Variants in PDE1A observed in about 807,000 individuals in gnomAD.
PDE1A encodes dual specificity calcium/calmodulin-dependent 3',5'-cyclic nucleotide phosphodiesterase 1A.
PDE1A carries 35 observed loss-of-function variants against 61.7 expected under a neutral mutation model. The observed-to-expected ratio is 0.57, with a 90% CI of 0.43 to 0.75. The LOEUF is 0.75. PDE1A is among the 30% of genes least tolerant of loss of function. PDE1A has a pLI of 0.00. For missense variants in PDE1A, 597 were observed against 630.6 expected (o/e 0.95, Z 0.57); for synonymous variants, 232 against 213.2 (o/e 1.09, Z -0.77).
At chr2:182,665,659 G>A in the PDE1A span, among the ~76,000 whole-genome samples, 2 of 152,142 alleles carry the variant, frequency 1.3e-5, no homozygotes, top group Non-Finnish European at 2.9e-5. Flanking sequence ...ACAGCGTGAC[G>A]ATTCCTCAAA....
At chr2:182,647,784 C>T in the PDE1A span, among the ~76,000 whole-genome samples, 2 of 152,114 alleles carry the variant, frequency 1.3e-5, no homozygotes, top group Non-Finnish European at 2.9e-5. Context: ...TAAGAAGCCT[C>T]TGTAGAAAAA....
chr2:182,388,655 T>C (rs1012551761), intron 1 of PDE1A, among the ~76,000 whole-genome samples: 1 of 152,036 alleles, frequency 6.6e-6, no homozygotes, highest in Non-Finnish European at 1.5e-5. Context: ...CTATGGGATA[T>C]AGCAAAAGCA....
the PDE1A span, among the ~76,000 whole-genome samples, chr2:182,583,577 AT>A: frequency 6.6e-6 from 1 of 152,130 alleles, no homozygotes; most frequent in Non-Finnish European, 1.5e-5. Context: ...CAGGCAATCT[AT>A]GATTCTCCTC....
intron 1 of PDE1A, among the ~76,000 whole-genome samples, chr2:182,418,902 A>T (rs995647762): frequency 1.3e-5 from 2 of 152,158 alleles, no homozygotes; most frequent in Non-Finnish European, 2.9e-5. Context: ...AGCCTGGCAC[A>T]AATCAGCAGA....
chr2:182,342,458 A>T (rs754596238), intron 1 of PDE1A, among the ~76,000 whole-genome samples: 4 of 152,106 alleles, frequency 2.6e-5, no homozygotes, highest in African/African-American at 4.8e-5. Context: ...CAAAGGAGGG[A>T]GGATCACGAG....
At chr2:182,269,689 T>C (rs1203874519) in intron 1 of PDE1A, among the ~76,000 whole-genome samples, 1 of 151,906 alleles carries the variant, frequency 6.6e-6, no homozygotes, top group Non-Finnish European at 1.5e-5. Context: ...AAAATGCAAA[T>C]GATCCTAATA....
chr2:182,507,703 A>G (rs962411372), intron 2 of PDE1A, among the ~76,000 whole-genome samples: 8 of 152,238 alleles, frequency 5.3e-5, no homozygotes, highest in African/African-American at 1.9e-4. Context: ...TTTCTGGAAA[A>G]TAAATAAATC....
At chr2:182,513,240 T>C (rs919318069) in intron 2 of PDE1A, among the ~76,000 whole-genome samples, 2 of 152,144 alleles carry the variant, frequency 1.3e-5, no homozygotes, top group African/African-American at 4.8e-5. Flanking sequence ...CTTAGGCTAA[T>C]AGCAGACCTT....
chr2:182,645,569 T>A, the PDE1A span, among the ~76,000 whole-genome samples: 2 of 152,158 alleles, frequency 1.3e-5, no homozygotes, highest in Admixed American at 1.3e-4. Context: ...GGAATGTTAA[T>A]GGAGAGCTTG....
the PDE1A span, among the ~76,000 whole-genome samples, chr2:182,685,517 C>T: frequency 6.6e-6 from 1 of 152,176 alleles, no homozygotes; most frequent in African/African-American, 2.4e-5. Context: ...AGATGAGTCA[C>T]TTTGTGCAAG....
At chr2:182,581,002 G>A in the PDE1A span, among the ~76,000 whole-genome samples, 1 of 151,950 alleles carries the variant, frequency 6.6e-6, no homozygotes, top group Non-Finnish European at 1.5e-5. Context: ...CCATCCTACA[G>A]CTTTCAGTAT....
At chr2:182,373,507 G>T (rs1700230547) in intron 1 of PDE1A, among the ~76,000 whole-genome samples, 1 of 152,100 alleles carries the variant, frequency 6.6e-6, no homozygotes, top group African/African-American at 2.4e-5. Flanking sequence ...AAATTTAAAG[G>T]CAGTTCTAAA....
At chr2:182,456,897 T>A (rs572328263) in intron 2 of PDE1A, among the ~76,000 whole-genome samples, 1 of 152,224 alleles carries the variant, frequency 6.6e-6, no homozygotes, top group South Asian at 2.1e-4. Context: ...GAATTTAAAA[T>A]TCTTGCAGGA....
Position 182,298,568 on chromosome 2 carries a change from G to A in PDE1A, c.54-34154C>T, listed in dbSNP as rs574417695. 1.1e-4 allele frequency among the ~76,000 whole-genome samples: 16 copies of A among 152,168 alleles called. No individual in the cohort carries two copies. In the East Asian group the frequency reaches 2.5e-3, roughly 24 times the overall value. On this transcript the variant is annotated intron_variant, in intron 1 of 13. Coordinates refer to ENST00000351439, the Ensembl canonical transcript of PDE1A. ...AACCCCAACAGAAGTGCCTCACCCC[G>A]AGTTGTTAGAGGATAGCAGCCTTTC... is the stretch of plus-strand genomic sequence containing the variant.
the PDE1A span, among the ~76,000 whole-genome samples, chr2:182,613,838 A>G: frequency 6.6e-6 from 1 of 152,200 alleles, no homozygotes. Flanking sequence ...TTTCAAGAGC[A>G]ACACAGTGAT....
chr2:182,550,004 A>G, the PDE1A span, among the ~76,000 whole-genome samples: 1 of 152,108 alleles, frequency 6.6e-6, no homozygotes, highest in Non-Finnish European at 1.5e-5. Flanking sequence ...ATTCAAAGTT[A>G]TTAGATTTTT....
intron 2 of PDE1A, among the ~76,000 whole-genome samples, chr2:182,453,232 C>T (rs1171077387): frequency 2.0e-5 from 3 of 151,926 alleles, no homozygotes; most frequent in African/African-American, 7.2e-5. Context: ...TCCTTTGTTT[C>T]GGCACTATCG....
chr2:182,664,556 T>G, the PDE1A span, among the ~76,000 whole-genome samples: 1 of 152,302 alleles, frequency 6.6e-6, no homozygotes, highest in South Asian at 2.1e-4. Flanking sequence ...GTGATTAAAA[T>G]AATGACAACG....
At chr2:182,635,199 T>A in the PDE1A span, among the ~76,000 whole-genome samples, 2 of 152,026 alleles carry the variant, frequency 1.3e-5, no homozygotes, top group Non-Finnish European at 2.9e-5. Flanking sequence ...AATTTTTTGA[T>A]GTTGCTTTTA....
Sources: gnomAD v4.1 joint callset for allele counts (sites outside exome capture counted in the v4.1 genomes callset) on GRCh38, gnomAD v4.1.1 for gene constraint, MANE v1.5 for transcripts, NCBI Gene and HGNC (gene_info 2026-07-23, HGNC 2026-07-21) for gene names.